GLT8D1: variants seen among roughly 807,000 people sequenced by gnomAD.
GLT8D1 encodes glycosyltransferase 8 domain containing 1, also known as glycosyltransferase 8 domain-containing protein 1.
Under a neutral mutation model 46.2 loss-of-function variants are expected in GLT8D1, and 41 were observed. That is an observed-to-expected ratio of 0.89 (90% CI 0.69 to 1.15). The LOEUF is 1.15. Ranked by LOEUF, GLT8D1 falls within the 50% of genes most tolerant of loss-of-function variation. GLT8D1 has a pLI of 0.00. For synonymous variants in GLT8D1, 150 were observed against 154.2 expected, an observed-to-expected ratio of 0.97 and a Z score of 0.20; for missense variants, 408 against 449.3, an observed-to-expected ratio of 0.91 and a Z score of 0.83.
In GLT8D1 at chr3:52,700,251, T is replaced by C; in HGVS notation, c.115+11A>G. On this transcript the variant is annotated intron_variant, in intron 3 of 9. Coordinates refer to ENST00000266014, the MANE Select transcript of GLT8D1 (RefSeq NM_018446.4). ...CAGATTCTAAGGCATTATTAATAAGTGCTCGCATACCTGTAACCTCATTCC... is the reference window on the plus strand; with the variant it reads ...CAGATTCTAAGGCATTATTAATAAGCGCTCGCATACCTGTAACCTCATTCC... 1 of 1,556,442 alleles carries C rather than the reference T, an allele frequency of 6.4e-7. No homozygotes were observed. The highest frequency in any genetic ancestry group is 2.2e-5 in the East Asian group (1 of 44,562).
chr3:52,699,236 A>T (rs1176250058), intron 3 of GLT8D1, among the ~76,000 whole-genome samples: 1 of 152,310 alleles, frequency 6.6e-6, no homozygotes, highest in East Asian at 1.9e-4. Context: ...CCATAGGCAC[A>T]GAAGATAAAA....
At chr3:52,696,509 T>G (rs2097333769) in intron 5 of GLT8D1, 33 bp downstream of exon 5, 1 of 1,176,098 alleles carries the variant, frequency 8.5e-7, no homozygotes, top group East Asian at 2.3e-5. Context: ...TTCCTAATAC[T>G]GCCAAGTGCA....
In GLT8D1 at chr3:52,695,520, G is replaced by C; in HGVS notation, c.713C>G (p.Thr238Ser). 1.2e-6 allele frequency: 2 copies of C among 1,611,394 alleles called. No individual in the cohort carries two copies. Among genetic ancestry groups the C allele is most frequent in the Non-Finnish European group, 1.7e-6 (2 of 1,177,522 alleles). Residue 238 changes from threonine (T) to serine (S), a missense_variant, in exon 8 of 10, where the codon ACT (threonine) becomes AGT (serine). Coordinates refer to ENST00000266014, the MANE Select transcript of GLT8D1 (RefSeq NM_018446.4). ...AAAAACTCCAGGATTAAATGAGCAAGTGCTGGCTTTCATGGAAAGCTTACG... is the reference window on the plus strand; with the variant it reads ...AAAAACTCCAGGATTAAATGAGCAACTGCTGGCTTTCATGGAAAGCTTACG... ...RIRKLSMKAS[T>S]CSFNPGVFVA...
chr3:52,694,570 C>T lies in GLT8D1; in HGVS notation c.*275G>A, dbSNP rs866861262. The stretch of plus-strand genomic sequence containing the variant: ...AACAGCAGTTTTGAATTATCTGTAC[C>T]AGCTAGCTGAACTAGCCATATCAGT... On this transcript the variant is annotated 3_prime_UTR_variant, in exon 10 of 10. Transcript: ENST00000266014. The T allele has an allele frequency of 1.7e-6, 1 of 590,700 alleles. No homozygotes were observed. Among genetic ancestry groups the T allele is most frequent in the Middle Eastern group, 4.5e-4 (1 of 2,244 alleles). The allele number at this position is 590,700 out of a possible 1,614,324, so 36.6% of individuals were successfully genotyped here. A position where few individuals can be genotyped will look rare whatever the true frequency, so the allele number is the denominator to read the frequency against.
At position 52,694,840 on chromosome 3, in the gene GLT8D1, C is replaced by CTGTT; in HGVS notation, c.*1_*4dup. ...GAAATGCTTGCTTACAGTTCAAATT[C>CTGTT]TGTTTCACTTTATGTTTGAGATCTC... On this transcript the variant is annotated 3_prime_UTR_variant, in exon 10 of 10. Coordinates refer to ENST00000266014, the MANE Select transcript of GLT8D1 (RefSeq NM_018446.4). The CTGTT allele has an allele frequency of 6.3e-7, 1 of 1,598,136 alleles. No individual in the cohort carries two copies. The highest frequency in any genetic ancestry group is 8.6e-7 in the Non-Finnish European group (1 of 1,165,504).
In GLT8D1 at chr3:52,694,733, T is replaced by C; in HGVS notation, c.*112A>G. The C allele has an allele frequency of 1.3e-6, 1 of 779,694 alleles. No homozygotes were observed. The highest frequency in any genetic ancestry group is 2.2e-6 in the Non-Finnish European group (1 of 445,428). The allele number at this position is 779,694 out of a possible 1,614,324, so 48.3% of individuals were successfully genotyped here. ...GTCATCTTTACCTAGCTGACACATC[T>C]TTTTCCATGGCTTGCTACCGATAGG... On this transcript the variant is annotated 3_prime_UTR_variant, in exon 10 of 10. Transcript: ENST00000266014.
intron 4 of GLT8D1, among the ~76,000 whole-genome samples, chr3:52,696,908 C>A (rs948541998): frequency 8.6e-5 from 4 of 46,430 alleles, no homozygotes. Context: ...CATTTCATCA[C>A]CACCTGGACT....
At chr3:52,705,125 C>A (rs955325145) in intron 1 of GLT8D1, 1 of 152,320 alleles carries the variant, frequency 6.6e-6, no homozygotes, top group African/African-American at 2.4e-5. Context: ...AGAACGGTTT[C>A]TCTCCAAAAC....
In GLT8D1 at chr3:52,697,896, G is replaced by C. The variant is rs1351188190; in HGVS notation, c.154C>G (p.Pro52Ala). 1.2e-6 allele frequency: 2 copies of C among 1,613,398 alleles called. No homozygotes were observed. The highest frequency in any genetic ancestry group is 1.7e-6 in the Non-Finnish European group (2 of 1,179,482). The change falls in exon 4 of 10, where the codon CCA becomes GCA. Residue 52 changes from proline to alanine, a missense_variant. Transcript: ENST00000266014. ...IVGPQPIDFV[P>A]NALRHAVDGR... The stretch of plus-strand genomic sequence containing the variant: ...TCTACTGCATGTCGGAGAGCATTTG[G>C]GACAAAGTCTATAGGTTGAGGCCCT...
chr3:52,698,077 CT>C (rs1284994369), intron 3 of GLT8D1, 143 bp from the exon 4 acceptor site: 7 of 619,948 alleles, frequency 1.1e-5, no homozygotes, highest in African/African-American at 9.2e-5. Context: ...AGCCCTGAAA[CT>C]TTCCCTGTAT....
Position 52,694,692 on chromosome 3 carries a change from C to T in GLT8D1, c.*153G>A. The T allele has an allele frequency of 2.9e-6, 2 of 678,910 alleles. No individual in the cohort carries two copies. Among genetic ancestry groups the T allele is most frequent in the East Asian group, 2.7e-5 (1 of 37,064 alleles). The allele number at this position is 678,910 out of a possible 1,614,324, so 42.1% of individuals were successfully genotyped here. A position where few individuals can be genotyped will look rare whatever the true frequency, so the allele number is the denominator to read the frequency against. On this transcript the variant is annotated 3_prime_UTR_variant, in exon 10 of 10. Transcript: ENST00000266014. ...TATAGTCTGTCTGGGAAGCTGACTG[C>T]CAGACAGGGCAGTTTGTCATCTTTA...
chr3:52,704,398 G>A (rs1407370540), intron 1 of GLT8D1, among the ~76,000 whole-genome samples: 1 of 143,674 alleles, frequency 7.0e-6, no homozygotes, highest in Non-Finnish European at 1.5e-5. Flanking sequence ...GGCGGAGGTT[G>A]CAGTGAGCCG....
chr3:52,701,920 C>A lies in GLT8D1; in HGVS notation c.-36-1424G>T, dbSNP rs2097339714. 2.6e-5 allele frequency among the ~76,000 whole-genome samples: 4 copies of A among 152,234 alleles called. No individual in the cohort carries two copies. In the South Asian group the frequency reaches 8.3e-4, roughly 31 times the overall value. On this transcript the variant is annotated intron_variant, in intron 1 of 9. Transcript: ENST00000266014. The stretch of plus-strand genomic sequence containing the variant: ...ATTTTACCAACCAAGATATCGTGAA[C>A]CTACCTTTTAACCCTTTCTTACTTC...
chr3:52,694,942 G>GCAGT lies in GLT8D1; in HGVS notation c.1015_1018dup (p.Ala340AspfsTer6). 2 of 1,609,154 alleles carry GCAGT rather than the reference G, an allele frequency of 1.2e-6. No individual in the cohort carries two copies. Among genetic ancestry groups the GCAGT allele is most frequent in the East Asian group, 4.5e-5 (2 of 44,856 alleles). On this transcript the variant is annotated frameshift_variant, in exon 10 of 10. Transcript: ENST00000266014. LOFTEE classifies it high-confidence loss of function. ...TTTTTCCCAAACATCAGTATATGAAGCAGTCCTTCCCCATGGCTTCAAATG... is the reference window on the plus strand; with the variant it reads ...TTTTTCCCAAACATCAGTATATGAAGCAGTCAGTCCTTCCCCATGGCTTCAAATG...
In GLT8D1 at chr3:52,696,560, C is replaced by G. The variant is rs1280769385; in HGVS notation, c.429G>C (p.Gln143His). 2 of 1,580,848 alleles carry G rather than the reference C, an allele frequency of 1.3e-6. No homozygotes were observed. The highest frequency in any genetic ancestry group is 1.7e-6 in the Non-Finnish European group (2 of 1,149,732). The change falls in exon 5 of 10, where the codon CAG becomes CAC. Residue 143 changes from glutamine to histidine, a missense_variant. Coordinates refer to ENST00000266014, the MANE Select transcript of GLT8D1 (RefSeq NM_018446.4). ...LEGKVKEDPD[Q>H]GESMKPLTFA... ...AACTCACAGGTTTCATGGATTCCCCCTGGTCAGGATCCTCCTTTACTTTTC... is the reference window on the plus strand; with the variant it reads ...AACTCACAGGTTTCATGGATTCCCCGTGGTCAGGATCCTCCTTTACTTTTC...
chr3:52,699,090 C>T (rs6765687), intron 3 of GLT8D1, among the ~76,000 whole-genome samples: 29,871 of 151,960 alleles, frequency 0.2, 3,616 homozygotes, highest in East Asian at 0.29. Context: ...ATGTCATGTA[C>T]AGTTTATATA....
intron 7 of GLT8D1, 22 bp downstream of exon 7, chr3:52,695,906 G>T: frequency 7.7e-7 from 1 of 1,294,118 alleles, no homozygotes; most frequent in Non-Finnish European, 1.1e-6. Context: ...GTAGGAAGAG[G>T]GGTGTTTGGT....
chr3:52,694,753 G>T lies in GLT8D1; in HGVS notation c.*92C>A. 1.2e-6 allele frequency: 1 copy of T among 868,950 alleles called. No homozygotes were observed. Among genetic ancestry groups the T allele is most frequent in the Non-Finnish European group, 1.9e-6 (1 of 514,244 alleles). The allele number at this position is 868,950 out of a possible 1,614,324, so 53.8% of individuals were successfully genotyped here. ...ACATCTTTTTCCATGGCTTGCTACC[G>T]ATAGGCATTGAAGCCTAGCAACTGT... is the stretch of plus-strand genomic sequence containing the variant. On this transcript the variant is annotated 3_prime_UTR_variant, in exon 10 of 10. Coordinates refer to ENST00000266014, the MANE Select transcript of GLT8D1 (RefSeq NM_018446.4).
At position 52,695,320 on chromosome 3, in the gene GLT8D1, C is replaced by G. The variant is rs2154100004; in HGVS notation, c.813-18G>C. 1 of 1,597,344 alleles carries G rather than the reference C, an allele frequency of 6.3e-7. No homozygotes were observed. The highest frequency in any genetic ancestry group is 2.2e-5 in the East Asian group (1 of 44,804). On this transcript the variant is annotated intron_variant, in intron 8 of 9. Transcript: ENST00000266014. Reference sequence around the variant, plus strand: ...GTCCCTCTCTTGGTGGGACAGAAAACAAATGTTTGTTAGTGAAAAGTACTG... The same window carrying G: ...GTCCCTCTCTTGGTGGGACAGAAAAGAAATGTTTGTTAGTGAAAAGTACTG...
Sources: allele counts gnomAD v4.1 joint callset (sites outside exome capture counted in the v4.1 genomes callset), GRCh38; gene constraint gnomAD v4.1.1; transcripts MANE v1.5; gene names NCBI Gene and HGNC (gene_info 2026-07-23, HGNC 2026-07-21).